The following ZNF28 variants were observed in gnomAD, a reference collection of about 807,000 sequenced individuals.
ZNF28 encodes zinc finger protein 28.
A neutral mutation model predicts 7.2 loss-of-function variants in ZNF28; 5 were observed. That is an observed-to-expected ratio of 0.70 (90% CI 0.36 to 1.46). The LOEUF is 1.46. ZNF28 is among the 40% of genes most tolerant of loss of function. ZNF28 has a pLI of 0.03. For missense variants in ZNF28, 879 were observed against 866.6 expected (o/e 1.01, Z -0.18); for synonymous variants, 288 against 292.4 (o/e 0.99, Z 0.15).
intron 3 of ZNF28, 183 bp downstream of exon 3, chr19:52,807,824 T>C: frequency 5.8e-6 from 6 of 1,041,942 alleles, no homozygotes; most frequent in Non-Finnish European, 8.2e-6. Flanking sequence ...CACTGAGCTA[T>C]CATGAAGAAT....
Position 52,799,464 on chromosome 19 carries a change from T to A in ZNF28, c.*224A>T. The stretch of plus-strand genomic sequence containing the variant: ...AAGTTTCTCTGCAGTATGAATTCTA[T>A]GATGACGTGCAAGGGTTGTTTTTTG... On this transcript the variant is annotated 3_prime_UTR_variant, in exon 4 of 4. Coordinates refer to ENST00000457749, the MANE Select transcript of ZNF28 (RefSeq NM_006969.5). 1.1e-6 allele frequency: 1 copy of A among 870,928 alleles called. No individual in the cohort carries two copies. The highest frequency in any genetic ancestry group is 1.8e-6 in the Non-Finnish European group (1 of 543,108). 54.0% of individuals were successfully genotyped at this position (870,928 alleles called of 1,614,324 possible).
Position 52,798,927 on chromosome 19 carries a change from T to C in ZNF28, c.*761A>G. The C allele has an allele frequency of 7.0e-7, 1 of 1,432,208 alleles. No homozygotes were observed. The highest frequency in any genetic ancestry group is 9.4e-7 in the Non-Finnish European group (1 of 1,060,136). The allele number at this position is 1,432,208 out of a possible 1,614,324, so 88.7% of individuals were successfully genotyped here. A position where few individuals can be genotyped will look rare whatever the true frequency, so the allele number is the denominator to read the frequency against. ...CCACTAAAGGCTTTGCCACACTCAT[T>C]GCACTTGTAAGGTTTCTCTCCAGTG... On this transcript the variant is annotated 3_prime_UTR_variant, in exon 4 of 4. Coordinates refer to ENST00000457749, the MANE Select transcript of ZNF28 (RefSeq NM_006969.5).
intron 2 of ZNF28, among the ~76,000 whole-genome samples, chr19:52,814,611 G>T (rs2063099253): frequency 6.9e-6 from 1 of 145,340 alleles, no homozygotes; most frequent in African/African-American, 2.7e-5. Context: ...AAAAAGCTGG[G>T]CGAGGTGGCT....
intron 2 of ZNF28, among the ~76,000 whole-genome samples, chr19:52,809,318 T>G (rs559747680): frequency 1.3e-5 from 2 of 150,534 alleles, no homozygotes; most frequent in Non-Finnish European, 1.5e-5. Flanking sequence ...AAAGGACACA[T>G]GTGTTGTCAT....
In ZNF28 at chr19:52,820,325, G is replaced by A. The variant is rs573690212; in HGVS notation, c.-74+1261C>T. 5.2e-5 allele frequency among the ~76,000 whole-genome samples: 7 copies of A among 135,310 alleles called. 3 individuals carry two copies. The South Asian group carries it at 1.8e-3, about 35-fold the overall frequency. 88.8% of individuals were successfully genotyped at this position (135,310 alleles called of 152,430 possible). On this transcript the variant is annotated intron_variant, in intron 1 of 3. Coordinates refer to ENST00000457749, the MANE Select transcript of ZNF28 (RefSeq NM_006969.5). ...GTAGAGACGGGGTTTCACCTTGTTA[G>A]CCAGGATGGTCTCGATCTCCTGACC...
intron 1 of ZNF28, among the ~76,000 whole-genome samples, chr19:52,820,062 A>C (rs2063174978): frequency 6.9e-6 from 1 of 144,246 alleles, no homozygotes; most frequent in African/African-American, 2.8e-5. Flanking sequence ...TCTCTACTAG[A>C]AATACAAAAA....
At position 52,800,452 on chromosome 19, in the gene ZNF28, T is replaced by G. The variant is rs10417163; in HGVS notation, c.1393A>C (p.Lys465Gln). The change falls in exon 4 of 4, where the codon AAA (lysine) becomes CAA (glutamine). Residue 465 changes from lysine (K) to glutamine (Q), a missense_variant. By Grantham distance (53) the Lys-to-Gln change is moderately conservative. Coordinates refer to ENST00000457749, the MANE Select transcript of ZNF28 (RefSeq NM_006969.5). ...TCACATTCTTCACATTTGTATGGTT[T>G]CTCTGCAGTATGAAGTCTATGATGG... ...ARHHRLHTAE[K>Q]PYKCEECDKV... 883,154 of 1,613,372 alleles carry G rather than the reference T, an allele frequency of 0.55. 254,610 individuals are homozygous for G. The highest frequency in any genetic ancestry group is 0.61 in the Non-Finnish European group (714,041 of 1,179,676).
chr19:52,809,534 G>A (rs1309044347), intron 2 of ZNF28, among the ~76,000 whole-genome samples: 2 of 152,322 alleles, frequency 1.3e-5, no homozygotes, highest in African/African-American at 2.4e-5. Flanking sequence ...TGGGCCTGGC[G>A]CGGTGGCTCA....
intron 3 of ZNF28, chr19:52,805,903 C>T (rs1188171666): frequency 6.6e-6 from 1 of 151,962 alleles, no homozygotes; most frequent in Admixed American, 6.6e-5. Flanking sequence ...TCGGTTGTAC[C>T]CGAGAGGCAG....
Position 52,818,015 on chromosome 19 carries a change from T to G in ZNF28, c.-57A>C, listed in dbSNP as rs1370087822. The G allele has an allele frequency of 5.6e-6, 9 of 1,608,022 alleles. No individual in the cohort carries two copies. Among genetic ancestry groups the G allele is most frequent in the South Asian group, 3.3e-5 (3 of 91,030 alleles). ...TGGGTTTCTTCCTCACGTACCAAGA[T>G]TCTTTAGAAGTCAATCCTGAATGTT... On this transcript the variant is annotated 5_prime_UTR_variant, in exon 2 of 4. Transcript: ENST00000457749.
At chr19:52,815,936 GC>G in intron 2 of ZNF28, among the ~76,000 whole-genome samples, 1 of 147,178 alleles carries the variant, frequency 6.8e-6, no homozygotes, top group East Asian at 2.0e-4. Flanking sequence ...TTCACATGTA[GC>G]CCCAAACGTA....
chr19:52,818,183 T>C (rs7248229), intron 1 of ZNF28, among the ~76,000 whole-genome samples, 152 bp from the exon 2 acceptor site: 88,751 of 151,622 alleles, frequency 0.59, 27,173 homozygotes, highest in Non-Finnish European at 0.69. Flanking sequence ...ACAGGAAAAC[T>C]CCCACTCTAC....
At chr19:52,818,992 T>G (rs1198016433) in intron 1 of ZNF28, among the ~76,000 whole-genome samples, 32 of 123,016 alleles carry the variant, frequency 2.6e-4, no homozygotes, top group South Asian at 3.5e-4. Context: ...CAGATGGGGG[T>G]GGGAGGGCAT....
Position 52,801,691 on chromosome 19 carries a change from T to G in ZNF28, c.154A>C (p.Lys52Gln). The G allele has an allele frequency of 1.2e-6, 2 of 1,611,254 alleles. No individual in the cohort carries two copies. Among genetic ancestry groups the G allele is most frequent in the Non-Finnish European group, 1.7e-6 (2 of 1,178,776 alleles). The change falls in exon 4 of 4, where the codon AAA becomes CAA. Residue 52 changes from lysine to glutamine, a missense_variant. By Grantham distance (53) the Lys-to-Gln change is moderately conservative. This residue lies in a region of ZNF28 where 864 missense variants were observed against 830.2 expected (regional missense o/e 1.04). Coordinates refer to ENST00000457749, the MANE Select transcript of ZNF28 (RefSeq NM_006969.5). ...GAGAAGAATGTCTTCATCATGCATTTGGAAGAGATATCTACAAAATATAAA... is the reference window on the plus strand; with the variant it reads ...GAGAAGAATGTCTTCATCATGCATTGGGAAGAGATATCTACAAAATATAAA... ...RNLVSLDISS[K>Q]CMMKTFFSTG...
In ZNF28 at chr19:52,799,437, TA is replaced by T; in HGVS notation, c.*250del. The T allele has an allele frequency of 1.3e-6, 1 of 759,152 alleles. No individual in the cohort carries two copies. Among genetic ancestry groups the T allele is most frequent in the Admixed American group, 2.7e-5 (1 of 37,530 alleles). 47.0% of individuals were successfully genotyped at this position (759,152 alleles called of 1,614,324 possible). On this transcript the variant is annotated 3_prime_UTR_variant, in exon 4 of 4. Coordinates refer to ENST00000457749, the MANE Select transcript of ZNF28 (RefSeq NM_006969.5). ...AACTTTGTCACATTCTTCCTATTTG[TA>T]AAGTTTCTCTGCAGTATGAATTCTA...
At chr19:52,807,164 C>T (rs955036529) in intron 3 of ZNF28, among the ~76,000 whole-genome samples, 1 of 152,214 alleles carries the variant, frequency 6.6e-6, no homozygotes, top group African/African-American at 2.4e-5. Flanking sequence ...CAGTCCAGGG[C>T]TCTTTCCCTT....
rs768372729 is a variant in ZNF28, at chr19:52,800,075, C to T, written c.1770G>A (p.Arg590=). ...KCKVCDKAFR[R]DSHLAQHQRV... ...TCTGATGTTGTGCCAGGTGTGAATCCCTCCGGAAAGCCTTGTCACAAACCT... is the reference window on the plus strand; with the variant it reads ...TCTGATGTTGTGCCAGGTGTGAATCTCTCCGGAAAGCCTTGTCACAAACCT... The change falls in exon 4 of 4, where the codon AGG becomes AGA. Residue 590 remains arginine (R), a synonymous_variant. Transcript: ENST00000457749. 5.0e-5 allele frequency: 80 copies of T among 1,613,544 alleles called. No individual in the cohort carries two copies. The highest frequency in any genetic ancestry group is 3.3e-4 in the Middle Eastern group (2 of 6,078).
chr19:52,801,126 T>G lies in ZNF28; in HGVS notation c.719A>C (p.Glu240Ala). 6.2e-7 allele frequency: 1 copy of G among 1,614,134 alleles called. No homozygotes were observed. Among genetic ancestry groups the G allele is most frequent in the Non-Finnish European group, 8.5e-7 (1 of 1,179,982 alleles). ...LKKHQITHLE[E>A]KQCKCDVYGK... Reference sequence around the variant, plus strand: ...ATATACATCACATTTACATTGTTTCTCTTCTAAGTGGGTTATCTGATGTTT... The same window carrying G: ...ATATACATCACATTTACATTGTTTCGCTTCTAAGTGGGTTATCTGATGTTT... The change falls in exon 4 of 4, where the codon GAG becomes GCG. Residue 240 changes from glutamate (E) to alanine (A), a missense_variant. By Grantham distance (107) the Glu-to-Ala change is moderately radical. Transcript: ENST00000457749.
chr19:52,819,297 T>C (rs892582778), intron 1 of ZNF28, among the ~76,000 whole-genome samples: 6 of 142,626 alleles, frequency 4.2e-5, no homozygotes, highest in Admixed American at 2.1e-4. Flanking sequence ...GGCACTGACA[T>C]GACCTGCTTT....
Sources: gnomAD v4.1 joint callset for allele counts (sites outside exome capture counted in the v4.1 genomes callset) on GRCh38, gnomAD v4.1.1 for gene constraint, gnomAD v4.1.1 regional missense constraint, MANE v1.5 for transcripts, NCBI Gene and HGNC (gene_info 2026-07-23, HGNC 2026-07-21) for gene names.